Variants in LRRIQ1 observed in about 807,000 individuals in gnomAD.
LRRIQ1 encodes the protein leucine rich repeats and IQ motif containing 1.
A neutral mutation model predicts 211.9 loss-of-function variants in LRRIQ1; 210 were observed. That is an observed-to-expected ratio of 0.99 (90% CI 0.89 to 1.11). The LOEUF is 1.11. Among genes scored for constraint, LRRIQ1 ranks in the 50% most tolerant of loss-of-function variants. The pLI is 0.00. For synonymous variants in LRRIQ1, 699 were observed against 650.1 expected (o/e 1.08, Z -1.14); for missense variants, 2,136 against 1,939.5 (o/e 1.10, Z -1.90).
At position 85,056,333 on chromosome 12, in the gene LRRIQ1, A is replaced by T. The variant is rs778200729; in HGVS notation, c.1540A>T (p.Asn514Tyr). The T allele has an allele frequency of 6.3e-7, 1 of 1,598,446 alleles. No homozygotes were observed. Among genetic ancestry groups the T allele is most frequent in the East Asian group, 2.2e-5 (1 of 44,530 alleles). Residue 514 changes from asparagine (N) to tyrosine (Y), a missense_variant, in exon 8 of 27, where the codon AAC becomes TAC. Coordinates refer to ENST00000393217, the MANE Select transcript of LRRIQ1 (RefSeq NM_001079910.2). Reference sequence around the variant, plus strand: ...TACAGATAACAAAACTGAATTGGGAAACTCTGATCTAAAAGGAAATCTGAA... The same window carrying T: ...TACAGATAACAAAACTGAATTGGGATACTCTGATCTAAAAGGAAATCTGAA... ...ENTDNKTELG[N>Y]SDLKGNLKEQ...
At chr12:85,067,294 C>T (rs1485653579) in intron 10 of LRRIQ1, among the ~76,000 whole-genome samples, 1 of 151,998 alleles carries the variant, frequency 6.6e-6, no homozygotes, top group Admixed American at 6.6e-5. Context: ...TAGCTACATA[C>T]ATCACTTGGA....
At chr12:85,075,604 G>A (rs1883556454) in intron 11 of LRRIQ1, among the ~76,000 whole-genome samples, 1 of 152,010 alleles carries the variant, frequency 6.6e-6, no homozygotes, top group Admixed American at 6.6e-5. Context: ...ACCAAGCCCT[G>A]ATGGATCCCC....
In LRRIQ1 at chr12:85,206,521, C is replaced by T. The variant is rs116236029; in HGVS notation, c.4823-22996C>T. On this transcript the variant is annotated intron_variant, in intron 24 of 26. Coordinates refer to ENST00000393217, the MANE Select transcript of LRRIQ1 (RefSeq NM_001079910.2). Reference sequence around the variant, plus strand: ...GTCCAGTGGGGTACACACACACCCACATGCAGGAAGTAAAGGGGAGACAAA... The same window carrying T: ...GTCCAGTGGGGTACACACACACCCATATGCAGGAAGTAAAGGGGAGACAAA... 4.1e-3 allele frequency among the ~76,000 whole-genome samples: 624 copies of T among 152,236 alleles called. 3 individuals carry two copies. Among genetic ancestry groups the T allele is most frequent in the African/African-American group, 0.014 (596 of 41,552 alleles).
At chr12:85,126,758 G>A (rs1465317656) in intron 17 of LRRIQ1, among the ~76,000 whole-genome samples, 4 of 151,912 alleles carry the variant, frequency 2.6e-5, no homozygotes, top group Admixed American at 1.3e-4. Flanking sequence ...TAGTAATACC[G>A]ATAATAAGCC....
downstream of LRRIQ1, among the ~76,000 whole-genome samples, chr12:85,247,626 A>C (rs1895768746): frequency 6.6e-6 from 1 of 151,552 alleles, no homozygotes; most frequent in African/African-American, 2.4e-5. Flanking sequence ...GTGAGGAAAA[A>C]TTGAGTAAAA....
At chr12:85,092,590 G>A (rs537769496) in intron 11 of LRRIQ1, among the ~76,000 whole-genome samples, 1 of 152,078 alleles carries the variant, frequency 6.6e-6, no homozygotes, top group Non-Finnish European at 1.5e-5. Context: ...CTTAAATCAC[G>A]AGTTCATTGC....
chr12:85,154,978 A>G (rs1393155530), intron 23 of LRRIQ1, among the ~76,000 whole-genome samples: 1 of 151,262 alleles, frequency 6.6e-6, no homozygotes. Flanking sequence ...TATTAATTAT[A>G]TTTTAATTAT....
intron 1 of LRRIQ1, among the ~76,000 whole-genome samples, chr12:85,258,392 C>G (rs1205134522): frequency 6.6e-6 from 1 of 151,676 alleles, no homozygotes; most frequent in Non-Finnish European, 1.5e-5. Flanking sequence ...TACAAAAATA[C>G]TTTTATTCAC....
At chr12:85,161,993 C>A (rs976498306) in intron 24 of LRRIQ1, among the ~76,000 whole-genome samples, 2 of 151,552 alleles carry the variant, frequency 1.3e-5, no homozygotes, top group Non-Finnish European at 2.9e-5. Context: ...GAGCCAAGAT[C>A]GCGCCACTGC....
intron 15 of LRRIQ1, among the ~76,000 whole-genome samples, chr12:85,115,223 C>T (rs530891687): frequency 1.3e-5 from 2 of 152,318 alleles, no homozygotes; most frequent in South Asian, 4.1e-4. Flanking sequence ...TCTGATACTT[C>T]ATTTCCAACA....
At chr12:85,131,444 A>C (rs928697448) in intron 18 of LRRIQ1, among the ~76,000 whole-genome samples, 1 of 151,936 alleles carries the variant, frequency 6.6e-6, no homozygotes, top group African/African-American at 2.4e-5. Flanking sequence ...ATGCATTTTT[A>C]CTCTGTTATA....
intron 24 of LRRIQ1, among the ~76,000 whole-genome samples, chr12:85,202,272 T>G (rs572428729): frequency 6.6e-6 from 1 of 152,284 alleles, no homozygotes; most frequent in East Asian, 1.9e-4. Context: ...TCTGTTGTTT[T>G]GAGTGGAGTG....
chr12:85,106,605 A>G lies in LRRIQ1; in HGVS notation c.3367A>G (p.Thr1123Ala). 6 of 1,609,686 alleles carry G rather than the reference A, an allele frequency of 3.7e-6. No individual in the cohort carries two copies. The highest frequency in any genetic ancestry group is 4.2e-6 in the Non-Finnish European group (5 of 1,176,654). The change falls in exon 15 of 27, where the codon ACA becomes GCA. Residue 1123 changes from threonine to alanine, a missense_variant. Physicochemically the swap from Thr to Ala is moderately conservative, Grantham distance 58. Coordinates refer to ENST00000393217, the MANE Select transcript of LRRIQ1 (RefSeq NM_001079910.2). ...TACTGGAAACCCACTTCTTCAAGAA[A>G]CAAACTGGAGGTAAAGAGGCATTGT... is the stretch of plus-strand genomic sequence containing the variant. The part of the protein sequence containing the change: ...SLTGNPLLQE[T>A]NWRDSLLKVL...
Position 85,232,695 on chromosome 12 carries a change from G to A in LRRIQ1, c.4956-1G>A. On this transcript the variant is annotated splice_acceptor_variant, in intron 25 of 26. Coordinates refer to ENST00000393217, the MANE Select transcript of LRRIQ1 (RefSeq NM_001079910.2). LOFTEE classifies it high-confidence loss of function. ...TACTTTCTGTTTTTGTCACTATGCA[G>A]CAATCACTTTTTGCCTGAGTTAGAT... 6.2e-7 allele frequency: 1 copy of A among 1,610,314 alleles called. No homozygotes were observed. The highest frequency in any genetic ancestry group is 8.5e-7 in the Non-Finnish European group (1 of 1,177,368).
chr12:85,230,365 C>A (rs1442783268), intron 25 of LRRIQ1, among the ~76,000 whole-genome samples: 1 of 152,166 alleles, frequency 6.6e-6, no homozygotes, highest in Non-Finnish European at 1.5e-5. Flanking sequence ...TCTTTGGAGA[C>A]CTTCTCCTTT....
At chr12:85,186,904 A>T (rs1452757436) in intron 24 of LRRIQ1, among the ~76,000 whole-genome samples, 3 of 152,052 alleles carry the variant, frequency 2.0e-5, no homozygotes, top group African/African-American at 7.2e-5. Flanking sequence ...GATAATGATA[A>T]TGATTATAAG....
At chr12:85,270,142 A>G in the LRRIQ1 span, among the ~76,000 whole-genome samples, 1 of 152,096 alleles carries the variant, frequency 6.6e-6, no homozygotes, top group East Asian at 1.9e-4. Context: ...TGAATTTTGG[A>G]GGATCATGTC....
intron 7 of LRRIQ1, among the ~76,000 whole-genome samples, chr12:85,055,326 A>G (rs1391987285): frequency 6.6e-6 from 1 of 152,082 alleles, no homozygotes; most frequent in Non-Finnish European, 1.5e-5. Flanking sequence ...CTTAGAATAC[A>G]TGTAACATTA....
chr12:85,224,110 A>G (rs893672960), intron 24 of LRRIQ1, among the ~76,000 whole-genome samples: 1 of 151,070 alleles, frequency 6.6e-6, no homozygotes, highest in Non-Finnish European at 1.5e-5. Context: ...ATCTTTTAAA[A>G]TGGATTAATT....
Sources: gnomAD v4.1 joint callset for allele counts (sites outside exome capture counted in the v4.1 genomes callset) on GRCh38, gnomAD v4.1.1 for gene constraint, MANE v1.5 for transcripts, NCBI Gene and HGNC (gene_info 2026-07-23, HGNC 2026-07-21) for gene names.